The following GALNTL6 variants were observed in gnomAD, a reference collection of about 807,000 sequenced individuals.
GALNTL6 encodes polypeptide N-acetylgalactosaminyltransferase-like 6.
In GALNTL6, 46 loss-of-function variants were observed where a neutral mutation model predicts 73.7. The observed-to-expected ratio is 0.62, with a 90% confidence interval of 0.49 to 0.80. GALNTL6 has a LOEUF of 0.80. Among genes scored for constraint, GALNTL6 ranks in the 30% least tolerant of loss-of-function variants. The pLI, the probability that GALNTL6 is intolerant of heterozygous loss-of-function variation, is 0.00. For synonymous variants in GALNTL6, 259 were observed against 263.7 expected (o/e 0.98, Z 0.17); for missense variants, 604 against 755.0 (o/e 0.80, Z 2.34).
chr4:172,476,984 G>C (rs1053058326), intron 5 of GALNTL6, among the ~76,000 whole-genome samples: 1 of 147,196 alleles, frequency 6.8e-6, no homozygotes. Context: ...GAGTGCAGTG[G>C]CACGATCTCG....
chr4:172,924,934 C>T (rs1323807474), intron 8 of GALNTL6, among the ~76,000 whole-genome samples: 1 of 152,100 alleles, frequency 6.6e-6, no homozygotes, highest in African/African-American at 2.4e-5. Context: ...TGCAGTGGCG[C>T]GATCTCGGCT....
At chr4:172,798,180 A>G (rs1359747372) in intron 5 of GALNTL6, among the ~76,000 whole-genome samples, 1 of 152,228 alleles carries the variant, frequency 6.6e-6, no homozygotes, top group African/African-American at 2.4e-5. Context: ...AGTAACAGAA[A>G]ATGATTATTT....
intron 2 of GALNTL6, among the ~76,000 whole-genome samples, chr4:172,162,068 C>A (rs1053858613): frequency 6.6e-6 from 1 of 151,848 alleles, no homozygotes; most frequent in African/African-American, 2.4e-5. Context: ...AGAAGATATA[C>A]CATAGTTGGG....
chr4:172,891,174 A>T (rs978327498), intron 8 of GALNTL6, among the ~76,000 whole-genome samples: 1 of 151,238 alleles, frequency 6.6e-6, no homozygotes, highest in Non-Finnish European at 1.5e-5. Context: ...TGAGGCATTT[A>T]GACCAATATG....
chr4:171,946,490 G>A (rs1738705519), intron 2 of GALNTL6, among the ~76,000 whole-genome samples: 1 of 152,144 alleles, frequency 6.6e-6, no homozygotes, highest in African/African-American at 2.4e-5. Flanking sequence ...CCCCTTGGTG[G>A]ATGTTATTCA....
At chr4:172,968,475 C>T (rs920341597) in intron 10 of GALNTL6, among the ~76,000 whole-genome samples, 3 of 152,166 alleles carry the variant, frequency 2.0e-5, no homozygotes, top group Non-Finnish European at 4.4e-5. Flanking sequence ...CAAAGTACTA[C>T]CTTCTGGAAA....
At chr4:172,983,143 A>T (rs924562264) in intron 10 of GALNTL6, among the ~76,000 whole-genome samples, 15 of 151,188 alleles carry the variant, frequency 9.9e-5, no homozygotes, top group Non-Finnish European at 1.5e-4. Context: ...ACATTTTTTT[A>T]AAAAAAGAGT....
At chr4:172,166,677 G>A (rs1365276716) in intron 2 of GALNTL6, among the ~76,000 whole-genome samples, 2 of 152,062 alleles carry the variant, frequency 1.3e-5, no homozygotes, top group Non-Finnish European at 2.9e-5. Context: ...AGCAAGTATT[G>A]ATGTTGATCT....
intron 5 of GALNTL6, among the ~76,000 whole-genome samples, chr4:172,688,509 A>G (rs889432600): frequency 7.2e-5 from 11 of 152,188 alleles, no homozygotes; most frequent in African/African-American, 2.7e-4. Flanking sequence ...CTAAAAATTC[A>G]CCTTCTGAAC....
intron 2 of GALNTL6, among the ~76,000 whole-genome samples, chr4:172,108,445 G>A (rs1004614896): frequency 5.9e-5 from 9 of 152,184 alleles, no homozygotes; most frequent in African/African-American, 1.7e-4. Context: ...CTGAAGACAG[G>A]AGACTGATGT....
intron 3 of GALNTL6, among the ~76,000 whole-genome samples, chr4:172,235,426 A>G (rs1737210572): frequency 6.6e-6 from 1 of 152,032 alleles, no homozygotes; most frequent in Non-Finnish European, 1.5e-5. Flanking sequence ...AGAATGGTCT[A>G]GACCTTCTGA....
chr4:171,821,053 C>T (rs1469651198), intron 2 of GALNTL6, among the ~76,000 whole-genome samples: 1 of 151,668 alleles, frequency 6.6e-6, no homozygotes, highest in Admixed American at 6.6e-5. Context: ...TATTTTTCCC[C>T]AAGACAAGGT....
At chr4:172,806,121 C>T (rs1453233282) in intron 5 of GALNTL6, among the ~76,000 whole-genome samples, 1 of 152,040 alleles carries the variant, frequency 6.6e-6, no homozygotes, top group African/African-American at 2.4e-5. Context: ...CTGATGATAC[C>T]TGCCTTCATC....
chr4:172,574,410 A>G (rs1294802568), intron 5 of GALNTL6, among the ~76,000 whole-genome samples: 1 of 151,268 alleles, frequency 6.6e-6, no homozygotes, highest in Non-Finnish European at 1.5e-5. Context: ...CACATAAATA[A>G]ATTGTTTATT....
chr4:172,994,825 AG>A (rs1447127807), intron 10 of GALNTL6, among the ~76,000 whole-genome samples: 1 of 152,200 alleles, frequency 6.6e-6, no homozygotes, highest in African/African-American at 2.4e-5. Context: ...CAGGGCTAAA[AG>A]GTCATATCCT....
chr4:172,026,659 C>G (rs561352799), intron 2 of GALNTL6, among the ~76,000 whole-genome samples: 138 of 152,172 alleles, frequency 9.1e-4, no homozygotes, highest in African/African-American at 3.1e-3. Context: ...ACATTAGGCT[C>G]ATGTTTCATT....
At chr4:172,143,416 CTTCA>C (rs747704052) in intron 2 of GALNTL6, among the ~76,000 whole-genome samples, 2 of 151,630 alleles carry the variant, frequency 1.3e-5, no homozygotes, top group Non-Finnish European at 2.9e-5. Context: ...TTTGATTCAT[CTTCA>C]TTATTTTCCC....
chr4:172,091,521 C>T (rs1732202208), intron 2 of GALNTL6, among the ~76,000 whole-genome samples: 1 of 152,126 alleles, frequency 6.6e-6, no homozygotes, highest in African/African-American at 2.4e-5. Flanking sequence ...ACCAGTTTTT[C>T]CCAAGGAGAT....
intron 7 of GALNTL6, among the ~76,000 whole-genome samples, chr4:172,830,098 T>C (rs1438359434): frequency 1.3e-5 from 2 of 152,140 alleles, no homozygotes; most frequent in African/African-American, 4.8e-5. Flanking sequence ...ATATAGTGAA[T>C]TTAAAGTAAC....
Sources: gnomAD v4.1 joint callset for allele counts (sites outside exome capture counted in the v4.1 genomes callset) on GRCh38, gnomAD v4.1.1 for gene constraint, MANE v1.5 for transcripts, NCBI Gene and HGNC (gene_info 2026-07-23, HGNC 2026-07-21) for gene names.